DYNC1LI2: variants seen among roughly 807,000 people sequenced by gnomAD.
DYNC1LI2 encodes cytoplasmic dynein 1 light intermediate chain 2.
A neutral mutation model predicts 57.8 loss-of-function variants in DYNC1LI2; 19 were observed. That is an observed-to-expected ratio of 0.33 (90% confidence interval 0.23 to 0.48). DYNC1LI2 has a LOEUF of 0.48. Ranked by LOEUF, DYNC1LI2 falls within the 20% of genes least tolerant of loss-of-function variation. The pLI is 0.99. For missense variants in DYNC1LI2, 470 were observed against 604.2 expected (o/e 0.78, Z 2.33); for synonymous variants, 256 against 233.4 (o/e 1.10, Z -0.88).
At chr16:66,729,689 G>A (rs1164998161) in intron 8 of DYNC1LI2, among the ~76,000 whole-genome samples, 1 of 147,738 alleles carries the variant, frequency 6.8e-6, no homozygotes, top group Middle Eastern at 3.6e-3. Flanking sequence ...CAATTCTCCT[G>A]CCTCAGCCTC....
rs112666735 is a variant in DYNC1LI2, at chr16:66,751,108, C to T, written c.181+165G>A. On this transcript the variant is annotated intron_variant, in intron 2 of 12. Transcript: ENST00000258198. This position sits in a 1 kb window ranked among gnomAD's most constrained non-coding sequence, Gnocchi z 5.2. ...AAGAGGGCAGCATCCCACCCTCAGGCGCTGGAGGCTTGACCACTCTCCAGC... is the reference window on the plus strand; with the variant it reads ...AAGAGGGCAGCATCCCACCCTCAGGTGCTGGAGGCTTGACCACTCTCCAGC... 3.3e-5 allele frequency among the ~76,000 whole-genome samples: 5 copies of T among 152,340 alleles called. No individual in the cohort carries two copies. Among genetic ancestry groups the T allele is most frequent in the East Asian group, 1.9e-4 (1 of 5,162 alleles).
intron 3 of DYNC1LI2, among the ~76,000 whole-genome samples, chr16:66,745,281 TGAG>T (rs1203716009): frequency 6.6e-6 from 1 of 152,054 alleles, no homozygotes; most frequent in African/African-American, 2.4e-5. Context: ...CTTTTTGTGA[TGAG>T]TTTTACTTTG....
chr16:66,732,670 A>C, intron 6 of DYNC1LI2, 196 bp from the exon 7 acceptor site: 1 of 446,742 alleles, frequency 2.2e-6, no homozygotes, highest in Non-Finnish European at 3.7e-6. Context: ...TAAATAAATA[A>C]ATAAAAAAGT....
At chr16:66,726,548 C>T (rs1057454720) in intron 11 of DYNC1LI2, among the ~76,000 whole-genome samples, 1 of 152,238 alleles carries the variant, frequency 6.6e-6, no homozygotes, top group African/African-American at 2.4e-5. Context: ...AATCCCATCA[C>T]TTGGGGAGAC....
intron 7 of DYNC1LI2, 61 bp from the exon 8 acceptor site, chr16:66,730,284 G>C (rs1304289778): frequency 1.4e-6 from 2 of 1,441,768 alleles, no homozygotes; most frequent in Non-Finnish European, 1.9e-6. Context: ...AGCATACTCA[G>C]ATCACATTCA....
Position 66,751,210 on chromosome 16 carries a change from G to C in DYNC1LI2, c.181+63C>G, listed in dbSNP as rs972467988. ...TGGAACGGGGAAGGCGGGGACCTGA[G>C]GGAGGGGCGCCCGCCTCGCCCACCC... On this transcript the variant is annotated intron_variant, in intron 2 of 12. Transcript: ENST00000258198. This position sits in a 1 kb window ranked among gnomAD's most constrained non-coding sequence, Gnocchi z 5.2. 198 of 1,559,068 alleles carry C rather than the reference G, an allele frequency of 1.3e-4. No homozygotes were observed. The highest frequency in any genetic ancestry group is 1.7e-4 in the Non-Finnish European group (194 of 1,146,760).
intron 2 of DYNC1LI2, 49 bp from the exon 3 acceptor site, chr16:66,749,362 G>A (rs2017999502): frequency 1.3e-6 from 2 of 1,560,182 alleles, no homozygotes. Context: ...TTCCGGGCAA[G>A]GATGGGGAGG....
At chr16:66,734,387 T>TA in intron 5 of DYNC1LI2, 76 bp from the exon 6 acceptor site, 3 of 1,399,772 alleles carry the variant, frequency 2.1e-6, no homozygotes, top group Non-Finnish European at 3.0e-6. Flanking sequence ...TCTTCAGAAA[T>TA]AAAGTATTGT....
intron 4 of DYNC1LI2, chr16:66,738,238 C>CTT (rs2017770970): frequency 7.7e-6 from 1 of 130,256 alleles, no homozygotes; most frequent in African/African-American, 3.0e-5. Flanking sequence ...ATCTCTACAG[C>CTT]TTCTTTTTTT....
intron 3 of DYNC1LI2, among the ~76,000 whole-genome samples, chr16:66,746,024 A>G (rs902996108): frequency 1.3e-5 from 2 of 152,228 alleles, no homozygotes; most frequent in Admixed American, 1.3e-4. Context: ...TTAACATGCT[A>G]TAAAAAAATT....
chr16:66,751,325 C>T lies in DYNC1LI2; in HGVS notation c.129G>A (p.Val43=), dbSNP rs1362364023. ...GCAGCTTGGACCTGGCGCGGGTGGA[C>T]ACTTCGCTCAGAATGGAGGACCTGT... ...QSLWSSILSE[V]STRARSKLPS... is the part of the protein sequence containing the mutation. Residue 43 remains valine (V), a synonymous_variant, in exon 2 of 13, where the codon GTG becomes GTA. Transcript: ENST00000258198. This position sits in a 1 kb window ranked among gnomAD's most constrained non-coding sequence, Gnocchi z 5.2. The T allele has an allele frequency of 4.3e-6, 7 of 1,612,166 alleles. No homozygotes were observed. The highest frequency in any genetic ancestry group is 5.1e-6 in the Non-Finnish European group (6 of 1,179,148).
At chr16:66,746,142 C>T (rs951604285) in intron 3 of DYNC1LI2, among the ~76,000 whole-genome samples, 2 of 152,140 alleles carry the variant, frequency 1.3e-5, no homozygotes, top group Non-Finnish European at 2.9e-5. Context: ...CTCAAAAATA[C>T]TACTCTGTAC....
chr16:66,735,957 G>T (rs1358781680), intron 5 of DYNC1LI2, 118 bp downstream of exon 5: 22 of 1,328,686 alleles, frequency 1.7e-5, no homozygotes, highest in Non-Finnish European at 2.3e-5. Flanking sequence ...GTACCTTAAT[G>T]AATCTCAAAT....
chr16:66,747,082 A>ACTT (rs1555506377), intron 3 of DYNC1LI2, among the ~76,000 whole-genome samples: 1 of 142,832 alleles, frequency 7.0e-6, no homozygotes, highest in Non-Finnish European at 1.5e-5. Context: ...TGCCCTCAAC[A>ACTT]TTTTTTTTTT....
intron 9 of DYNC1LI2, 81 bp downstream of exon 9, chr16:66,728,959 G>T (rs2144971990): frequency 6.9e-7 from 1 of 1,457,328 alleles, no homozygotes; most frequent in Non-Finnish European, 9.6e-7. Flanking sequence ...CTTCCCACAT[G>T]CAGACACCCC....
In DYNC1LI2 at chr16:66,730,777, GCA is replaced by G. The variant is rs1274720874; in HGVS notation, c.930-556_930-555del. ...TTATCCTAGGCCCCAAACCAGAGAA[GCA>G]CAGAGTCCTTGAGGTTCCTACACCA... On this transcript the variant is annotated intron_variant, in intron 7 of 12. Coordinates refer to ENST00000258198, the MANE Select transcript of DYNC1LI2 (RefSeq NM_006141.3). 3.9e-5 allele frequency: 6 copies of G among 152,530 alleles called. No homozygotes were observed. The East Asian group carries it at 1.2e-3, about 29-fold the overall frequency. 9.4% of individuals were successfully genotyped at this position (152,530 alleles called of 1,614,324 possible). A position where few individuals can be genotyped will look rare whatever the true frequency, so the allele number is the denominator to read the frequency against.
intron 3 of DYNC1LI2, among the ~76,000 whole-genome samples, chr16:66,745,904 A>C (rs1018539940): frequency 3.3e-5 from 5 of 152,116 alleles, no homozygotes; most frequent in Admixed American, 1.3e-4. Flanking sequence ...ACCCTGTCTC[A>C]AAAAAAGAAA....
chr16:66,741,467 C>T (rs2017834530), intron 4 of DYNC1LI2, among the ~76,000 whole-genome samples: 2 of 152,166 alleles, frequency 1.3e-5, no homozygotes. Flanking sequence ...TTTTAGACAA[C>T]GTGGGACAGA....
chr16:66,728,121 G>T lies in DYNC1LI2; in HGVS notation c.1143+80C>A. The T allele has an allele frequency of 6.4e-6, 10 of 1,566,212 alleles. No individual in the cohort carries two copies. In the South Asian group the frequency reaches 1.1e-4, roughly 18 times the overall value. On this transcript the variant is annotated intron_variant, in intron 10 of 12. Transcript: ENST00000258198. ...AAATACAAAACCCACACAAATATAC[G>T]CTCTCACAAATAATGGTATAAAGTT...
Sources: gnomAD v4.1 joint callset for allele counts (sites outside exome capture counted in the v4.1 genomes callset) on GRCh38, gnomAD v4.1.1 for gene constraint, Gnocchi (gnomAD v3.1) non-coding constraint, MANE v1.5 for transcripts, NCBI Gene and HGNC (gene_info 2026-07-23, HGNC 2026-07-21) for gene names.